FAM120A: variants seen among roughly 807,000 people sequenced by gnomAD.
FAM120A encodes family with sequence similarity 120 member A, also known as constitutive coactivator of PPAR-gamma-like protein 1.
Under a neutral mutation model 109.7 loss-of-function variants are expected in FAM120A, and 15 were observed. The observed-to-expected ratio is 0.14, with a 90% confidence interval of 0.09 to 0.21. The LOEUF (loss-of-function observed/expected upper bound fraction) is 0.21, where lower values mean the gene tolerates loss of function less well. Among genes scored for constraint, FAM120A ranks in the 10% least tolerant of loss-of-function variants. The pLI, the probability that FAM120A is intolerant of heterozygous loss-of-function variation, is 1.00. For missense variants in FAM120A, 899 were observed against 1,439.3 expected (o/e 0.62, Z 6.07); for synonymous variants, 493 against 572.8 (o/e 0.86, Z 1.99).
chr9:93,554,418 G>A (rs868269475), intron 12 of FAM120A, among the ~76,000 whole-genome samples: 12 of 152,034 alleles, frequency 7.9e-5, no homozygotes, highest in Admixed American at 2.6e-4. Flanking sequence ...GCCTGTAATC[G>A]CAGCACTTTG....
At chr9:93,506,950 C>G (rs1452114082) in intron 5 of FAM120A, among the ~76,000 whole-genome samples, 1 of 152,142 alleles carries the variant, frequency 6.6e-6, no homozygotes, top group Non-Finnish European at 1.5e-5. Flanking sequence ...TCTTGTCTAG[C>G]CCTTGATCTT....
chr9:93,519,333 C>T (rs1235289061), intron 7 of FAM120A, among the ~76,000 whole-genome samples: 2 of 152,062 alleles, frequency 1.3e-5, no homozygotes, highest in Admixed American at 6.6e-5. Context: ...CCTCTGCCTC[C>T]CAGGTTCAAG....
At chr9:93,476,698 A>G (rs2131278003) in intron 3 of FAM120A, among the ~76,000 whole-genome samples, 1 of 152,344 alleles carries the variant, frequency 6.6e-6, no homozygotes, top group Admixed American at 6.5e-5. Flanking sequence ...ACTTAGAGCA[A>G]CATCTTTGCA....
chr9:93,480,546 T>A (rs1357849983), intron 3 of FAM120A, among the ~76,000 whole-genome samples: 3 of 152,122 alleles, frequency 2.0e-5, no homozygotes, highest in Non-Finnish European at 4.4e-5. Context: ...GCGTTTATCT[T>A]ACTTTGCTCT....
At chr9:93,454,852 T>G (rs899287110) in intron 1 of FAM120A, among the ~76,000 whole-genome samples, 4 of 152,228 alleles carry the variant, frequency 2.6e-5, no homozygotes, top group African/African-American at 9.7e-5. Flanking sequence ...TATCACTACA[T>G]GCCTATTAGA....
At chr9:93,458,033 T>C (rs2254351) in intron 1 of FAM120A, among the ~76,000 whole-genome samples, 136,916 of 152,068 alleles carry the variant, frequency 0.9, 61,694 homozygotes, top group East Asian at 1. Context: ...CATGTTTATT[T>C]GACATCTCAC....
intron 13 of FAM120A, 124 bp from the exon 14 acceptor site, chr9:93,557,703 A>G (rs957501522): frequency 2.1e-6 from 2 of 962,726 alleles, no homozygotes; most frequent in Non-Finnish European, 3.0e-6. Flanking sequence ...ATTTGCAGAC[A>G]TAGAATTCAT....
chr9:93,488,491 T>G (rs1036650355), intron 3 of FAM120A, among the ~76,000 whole-genome samples: 5 of 152,078 alleles, frequency 3.3e-5, no homozygotes, highest in African/African-American at 1.2e-4. Context: ...ACTGTGATTC[T>G]CACACTCTCC....
chr9:93,501,374 T>C (rs77678422), intron 5 of FAM120A, among the ~76,000 whole-genome samples: 5,484 of 152,302 alleles, frequency 0.036, 169 homozygotes, highest in African/African-American at 0.07. Context: ...TTCTGTCAAG[T>C]GCTTTTGTGT....
chr9:93,492,055 T>C (rs1223147819), intron 3 of FAM120A, among the ~76,000 whole-genome samples: 1 of 152,158 alleles, frequency 6.6e-6, no homozygotes, highest in Non-Finnish European at 1.5e-5. Context: ...TCAGGGAAAG[T>C]TTAGCAACAC....
At chr9:93,517,647 C>T (rs999281941) in intron 7 of FAM120A, among the ~76,000 whole-genome samples, 5 of 152,134 alleles carry the variant, frequency 3.3e-5, no homozygotes, top group African/African-American at 4.8e-5. Context: ...AGAAGTAAGA[C>T]AAAAAGCAAA....
At chr9:93,534,587 A>T (rs528396220) in intron 10 of FAM120A, among the ~76,000 whole-genome samples, 1 of 152,282 alleles carries the variant, frequency 6.6e-6, no homozygotes, top group Admixed American at 6.5e-5. Context: ...CCGTATCTTC[A>T]AAGTGAGAAC....
At chr9:93,453,333 C>G (rs1857374299) in intron 1 of FAM120A, 5 of 985,746 alleles carry the variant, frequency 5.1e-6, no homozygotes. Context: ...AGGAGAACTT[C>G]AGGACCCAGC....
intron 1 of FAM120A, among the ~76,000 whole-genome samples, chr9:93,461,427 A>G (rs778800709): frequency 1.6e-4 from 25 of 152,234 alleles, no homozygotes; most frequent in Non-Finnish European, 3.4e-4. Flanking sequence ...AAGTGTTACT[A>G]TCTTGAAATA....
chr9:93,521,006 G>T (rs1356716009), intron 7 of FAM120A, among the ~76,000 whole-genome samples: 1 of 152,186 alleles, frequency 6.6e-6, no homozygotes, highest in Admixed American at 6.5e-5. Context: ...CAGTTCTCCT[G>T]TGCTGTTGGA....
intron 13 of FAM120A, among the ~76,000 whole-genome samples, chr9:93,557,096 T>TG (rs1862307600): frequency 6.6e-6 from 1 of 151,704 alleles, no homozygotes; most frequent in East Asian, 1.9e-4. Context: ...GCACTACACT[T>TG]GGAGACCATT....
intron 11 of FAM120A, among the ~76,000 whole-genome samples, chr9:93,547,242 G>A (rs1861920893): frequency 6.6e-6 from 1 of 152,190 alleles, no homozygotes; most frequent in Non-Finnish European, 1.5e-5. Context: ...GAGCAATATG[G>A]CAGACACAAA....
At chr9:93,480,134 C>T (rs759692148) in intron 3 of FAM120A, among the ~76,000 whole-genome samples, 54 of 152,114 alleles carry the variant, frequency 3.5e-4, no homozygotes, top group Non-Finnish European at 6.8e-4. Flanking sequence ...TTCTTCATAC[C>T]TCAATGGTAA....
At position 93,452,287 on chromosome 9, in the gene FAM120A, C is replaced by T. The variant is rs1857274555; in HGVS notation, c.372C>T (p.Ser124=). The T allele has an allele frequency of 6.2e-7, 1 of 1,612,702 alleles. No homozygotes were observed. Among genetic ancestry groups the T allele is most frequent in the Non-Finnish European group, 8.5e-7 (1 of 1,179,886 alleles). The change falls in exon 1 of 18, where the codon AGC becomes AGT. Residue 124 remains serine (S), a synonymous_variant. Transcript: ENST00000277165. This position sits in a 1 kb window ranked among gnomAD's most constrained non-coding sequence, Gnocchi z 7.0. Reference sequence around the variant, plus strand: ...GCCAGACGGCACAGCAGATCGTCAGCCATGTCCAGAACAAGGGCACCCCGC... The same window carrying T: ...GCCAGACGGCACAGCAGATCGTCAGTCATGTCCAGAACAAGGGCACCCCGC... The part of the protein sequence containing the change: ...NERQTAQQIV[S]HVQNKGTPPP...
Sources: allele counts gnomAD v4.1 joint callset (sites outside exome capture counted in the v4.1 genomes callset), GRCh38; gene constraint gnomAD v4.1.1; non-coding constraint Gnocchi (gnomAD v3.1); transcripts MANE v1.5; gene names NCBI Gene and HGNC (gene_info 2026-07-23, HGNC 2026-07-21).